TRDN: variants seen among roughly 807,000 people sequenced by gnomAD.
The protein encoded by TRDN is triadin.
Under a neutral mutation model 149.7 loss-of-function variants are expected in TRDN, and 161 were observed. That is an observed-to-expected ratio of 1.08 (90% CI 0.95 to 1.23). The LOEUF is 1.23. Ranked by LOEUF, TRDN falls within the 50% of genes most tolerant of loss-of-function variation. TRDN has a pLI of 0.00. For missense variants in TRDN, 896 were observed against 823.5 expected (o/e 1.09, Z -1.08); for synonymous variants, 294 against 250.5 (o/e 1.17, Z -1.64).
At chr6:123,222,416 T>C (rs1023710457) in intron 39 of TRDN, among the ~76,000 whole-genome samples, 2 of 151,686 alleles carry the variant, frequency 1.3e-5, no homozygotes, top group African/African-American at 4.8e-5. Context: ...AGTTGATCTG[T>C]ATAAACATTA....
intron 38 of TRDN, among the ~76,000 whole-genome samples, chr6:123,242,882 A>T (rs968281271): frequency 3.3e-5 from 5 of 152,040 alleles, no homozygotes; most frequent in African/African-American, 1.2e-4. Context: ...ATGCAAAGGC[A>T]TTGCTCCAAA....
At position 123,408,570 on chromosome 6, in the gene TRDN, C is replaced by T. The variant is rs563709367; in HGVS notation, c.1052-14893G>A. Among the ~76,000 whole-genome samples the T allele has an allele frequency of 1.5e-3, 231 of 151,648 alleles. 4 individuals carry two copies. In the Middle Eastern group the frequency reaches 0.021, roughly 13 times the overall value. ...GCGGGCACCTGTAATCCCAGCTACT[C>T]AGGAGGCTGAGGCAGGAGAATTGCT... On this transcript the variant is annotated intron_variant, in intron 12 of 40. Coordinates refer to ENST00000334268, the MANE Select transcript of TRDN (RefSeq NM_006073.4).
chr6:123,596,094 A>G lies in TRDN; in HGVS notation c.23-24962T>C, dbSNP rs376892931. Among the ~76,000 whole-genome samples, 70 of 152,230 alleles carry G rather than the reference A, an allele frequency of 4.6e-4. 1 individual carries two copies. The South Asian group carries it at 9.3e-3, about 20-fold the overall frequency. ...ACAGCTAAGTTGTGAGTGCAAAGGA[A>G]AAGTTATTGAAAGAAATTAAAAAGT... On this transcript the variant is annotated intron_variant, in intron 1 of 40. Coordinates refer to ENST00000334268, the MANE Select transcript of TRDN (RefSeq NM_006073.4).
intron 24 of TRDN, among the ~76,000 whole-genome samples, chr6:123,286,295 TTGA>T (rs1389054667): frequency 1.3e-5 from 2 of 151,846 alleles, no homozygotes; most frequent in Non-Finnish European, 2.9e-5. Context: ...AACCAATGAG[TTGA>T]TGAAGAAATT....
rs188455247 is a variant in TRDN at position 123,592,547 on chromosome 6, C to T, written c.23-21415G>A. Among the ~76,000 whole-genome samples, 518 of 152,116 alleles carry T rather than the reference C, an allele frequency of 3.4e-3. 4 individuals are homozygous for T. Among genetic ancestry groups the T allele is most frequent in the Admixed American group, 0.011 (168 of 15,270 alleles). On this transcript the variant is annotated intron_variant, in intron 1 of 40. Coordinates refer to ENST00000334268, the MANE Select transcript of TRDN (RefSeq NM_006073.4). ...TTACAAGGAACAGTGAATTCCCTAT[C>T]GGATCATTTCAAATAGCTTATCTGA... is the stretch of plus-strand genomic sequence containing the variant.
rs139668901 is a variant in TRDN, at chr6:123,389,047, T to C, written c.1106-496A>G. Among the ~76,000 whole-genome samples, 1,167 of 152,240 alleles carry C rather than the reference T, an allele frequency of 7.7e-3. 9 individuals carry two copies. Among genetic ancestry groups the C allele is most frequent in the Non-Finnish European group, 0.011 (736 of 67,988 alleles). Reference sequence around the variant, plus strand: ...TTTCAGGAAGGGAAAATAAATATCCTACCCTCCTTTTAGCAAACTTATGCC... The same window carrying C: ...TTTCAGGAAGGGAAAATAAATATCCCACCCTCCTTTTAGCAAACTTATGCC... On this transcript the variant is annotated intron_variant, in intron 13 of 40. Transcript: ENST00000334268.
At chr6:123,365,169 G>C (rs1486819478) in intron 20 of TRDN, among the ~76,000 whole-genome samples, 2 of 152,118 alleles carry the variant, frequency 1.3e-5, no homozygotes, top group Non-Finnish European at 2.9e-5. Context: ...ATTTGAAAGA[G>C]AGCATCTATT....
At chr6:123,478,084 C>CAAA (rs36054866) in intron 9 of TRDN, among the ~76,000 whole-genome samples, 2 of 141,020 alleles carry the variant, frequency 1.4e-5, no homozygotes, top group African/African-American at 5.3e-5. Context: ...AAATGTTCAC[C>CAAA]AAAAAAAAAA....
At chr6:123,396,332 A>G (rs1486046346) in intron 12 of TRDN, among the ~76,000 whole-genome samples, 1 of 152,194 alleles carries the variant, frequency 6.6e-6, no homozygotes, top group Non-Finnish European at 1.5e-5. Flanking sequence ...CACCTACTAC[A>G]GTATTTCATC....
At chr6:123,324,684 A>T (rs1358480274) in intron 23 of TRDN, among the ~76,000 whole-genome samples, 1 of 152,200 alleles carries the variant, frequency 6.6e-6, no homozygotes. Flanking sequence ...TTTCACCTAC[A>T]TACAGCTGTA....
intron 40 of TRDN, among the ~76,000 whole-genome samples, chr6:123,219,143 C>CTG (rs1282344402): frequency 6.6e-6 from 1 of 151,720 alleles, no homozygotes. Context: ...AAGCAACAGA[C>CTG]TGTGTGTGTG....
chr6:123,351,069 T>C (rs1438420439), intron 21 of TRDN: 7 of 984,892 alleles, frequency 7.1e-6, no homozygotes, highest in Non-Finnish European at 8.4e-6. Context: ...CAATCTTCTT[T>C]TGATATACTG....
At chr6:123,606,809 A>G (rs926769842) in intron 1 of TRDN, among the ~76,000 whole-genome samples, 1 of 152,204 alleles carries the variant, frequency 6.6e-6, no homozygotes, top group Non-Finnish European at 1.5e-5. Flanking sequence ...TAGATGTGCT[A>G]GTTATATTGC....
At chr6:123,486,963 T>G (rs1199472956) in intron 9 of TRDN, among the ~76,000 whole-genome samples, 1 of 152,052 alleles carries the variant, frequency 6.6e-6, no homozygotes. Context: ...GAACAAAGGC[T>G]AGGAGACATC....
At chr6:123,551,710 T>C (rs1244913673) in intron 2 of TRDN, among the ~76,000 whole-genome samples, 1 of 152,060 alleles carries the variant, frequency 6.6e-6, no homozygotes, top group African/African-American at 2.4e-5. Context: ...ATAGGAAAAC[T>C]AAGGCACAGA....
At chr6:123,481,109 T>C (rs760071652) in intron 9 of TRDN, among the ~76,000 whole-genome samples, 2 of 152,120 alleles carry the variant, frequency 1.3e-5, no homozygotes, top group Non-Finnish European at 2.9e-5. Flanking sequence ...TATCAGGCCT[T>C]ACAGTCAGCT....
intron 12 of TRDN, among the ~76,000 whole-genome samples, chr6:123,424,895 G>C (rs1442212312): frequency 2.6e-5 from 4 of 152,132 alleles, no homozygotes; most frequent in Non-Finnish European, 5.9e-5. Context: ...GATGAGTACA[G>C]CAGGTTTCCC....
intron 12 of TRDN, among the ~76,000 whole-genome samples, chr6:123,415,222 A>T (rs9372747): frequency 0.89 from 135,402 of 152,246 alleles, 60,423 homozygotes; most frequent in East Asian, 0.99. Context: ...CTAGTTACTT[A>T]TTTATATTTA....
In TRDN at chr6:123,359,627, C is replaced by G. The variant is rs1373827340; in HGVS notation, c.1321+6508G>C. The stretch of plus-strand genomic sequence containing the variant: ...AGAAAATATGCTCAAGAAACAGAAA[C>G]AGTAAGTTGGAAAGAGAAAATGAGG... On this transcript the variant is annotated intron_variant, in intron 20 of 40. Coordinates refer to ENST00000334268, the MANE Select transcript of TRDN (RefSeq NM_006073.4). Among the ~76,000 whole-genome samples, 4 of 152,110 alleles carry G rather than the reference C, an allele frequency of 2.6e-5. No homozygotes were observed. In the East Asian group the frequency reaches 7.7e-4, roughly 29 times the overall value.
Sources: allele counts gnomAD v4.1 joint callset (sites outside exome capture counted in the v4.1 genomes callset), GRCh38; gene constraint gnomAD v4.1.1; transcripts MANE v1.5; gene names NCBI Gene and HGNC (gene_info 2026-07-23, HGNC 2026-07-21).